DHDH: variants seen among roughly 807,000 people sequenced by gnomAD.
DHDH encodes the protein dihydrodiol dehydrogenase, also known as trans-1,2-dihydrobenzene-1,2-diol dehydrogenase.
DHDH carries 29 observed loss-of-function variants against 33.2 expected under a neutral mutation model. The ratio of observed to expected loss-of-function variants is 0.87; its 90% confidence interval spans 0.65 to 1.19. DHDH has a LOEUF of 1.19. Among genes scored for constraint, DHDH ranks in the 50% most tolerant of loss-of-function variants. DHDH has a pLI of 0.00. For missense variants in DHDH, 431 were observed against 455.0 expected, an observed-to-expected ratio of 0.95 and a Z score of 0.48; for synonymous variants, 201 against 187.9, an observed-to-expected ratio of 1.07 and a Z score of -0.57.
intron 3 of DHDH, among the ~76,000 whole-genome samples, chr19:48,936,978 T>G (rs2037786657): frequency 6.6e-6 from 1 of 151,776 alleles, no homozygotes; most frequent in Non-Finnish European, 1.5e-5. Flanking sequence ...GAGACGGGGT[T>G]TCACCATGTT....
chr19:48,939,901 C>A (rs1267756126), intron 4 of DHDH, among the ~76,000 whole-genome samples, 200 bp downstream of exon 4: 2 of 152,150 alleles, frequency 1.3e-5, no homozygotes, highest in African/African-American at 4.8e-5. Flanking sequence ...TCTTAGCCAG[C>A]AGACTTAACA....
In DHDH at chr19:48,933,709, C is replaced by A. The variant is rs746805166; in HGVS notation, c.-13C>A. On this transcript the variant is annotated 5_prime_UTR_variant, in exon 1 of 7. Coordinates refer to ENST00000221403, the MANE Select transcript of DHDH (RefSeq NM_014475.4). ...GGAGGGACCGAAGGTGCCGAGGGCT[C>A]CGCATCGCAACCATGGCGCTGCGCT... The A allele has an allele frequency of 6.2e-7, 1 of 1,612,750 alleles. No individual in the cohort carries two copies. Among genetic ancestry groups the A allele is most frequent in the African/African-American group, 1.3e-5 (1 of 74,906 alleles).
intron 3 of DHDH, among the ~76,000 whole-genome samples, chr19:48,937,621 T>G (rs1346434450): frequency 2.6e-5 from 4 of 151,416 alleles, no homozygotes; most frequent in Non-Finnish European, 4.4e-5. Flanking sequence ...GACCATCCTG[T>G]CTAACACAGT....
chr19:48,942,587 G>T lies in DHDH; in HGVS notation c.744+23G>T, dbSNP rs367563047. ...CAGGTGAGGCATGGCGGGCCCAAGC[G>T]CTGGGGATCGTGCCCCTAAAATAGG... On this transcript the variant is annotated intron_variant, in intron 5 of 6. Coordinates refer to ENST00000221403, the MANE Select transcript of DHDH (RefSeq NM_014475.4). 16 of 1,603,006 alleles carry T rather than the reference G, an allele frequency of 1.0e-5. No homozygotes were observed. The African/African-American group carries it at 1.5e-4, about 15-fold the overall frequency.
At chr19:48,944,283 C>T (rs1003053970) in intron 5 of DHDH, 74 bp from the exon 6 acceptor site, 1 of 1,602,220 alleles carries the variant, frequency 6.2e-7, no homozygotes, top group Non-Finnish European at 8.5e-7. Context: ...TGTGCACCAC[C>T]TGGCATGTTC....
At chr19:48,939,380 TC>T in intron 3 of DHDH, 68 bp from the exon 4 acceptor site, 2 of 1,530,112 alleles carry the variant, frequency 1.3e-6, no homozygotes, top group Non-Finnish European at 1.8e-6. Flanking sequence ...GCAGTGGGTA[TC>T]CCCCTATGAT....
At chr19:48,936,715 C>CA (rs370151870) in intron 3 of DHDH, among the ~76,000 whole-genome samples, 10,866 of 144,588 alleles carry the variant, frequency 0.075, 523 homozygotes, top group African/African-American at 0.12. Flanking sequence ...AAAAAACAAA[C>CA]AAAAAAAAAA....
upstream of DHDH, chr19:48,933,556 G>T: frequency 1.6e-6 from 1 of 635,858 alleles, no homozygotes; most frequent in Non-Finnish European, 2.8e-6. Context: ...TTCGCCCAGC[G>T]GGGAAGCTAG....
At chr19:48,933,870 A>G (rs1048419135) in intron 1 of DHDH, 59 bp downstream of exon 1, 10 of 1,528,206 alleles carry the variant, frequency 6.5e-6, no homozygotes, top group Admixed American at 1.8e-5. Flanking sequence ...TCCAGAGTCT[A>G]AAGGAGGAGG....
chr19:48,936,776 G>C (rs12982842), intron 3 of DHDH, among the ~76,000 whole-genome samples: 1 of 151,728 alleles, frequency 6.6e-6, no homozygotes. Context: ...CAATGGCTTA[G>C]TTTGGGTGGG....
At chr19:48,937,996 C>T (rs2037804812) in intron 3 of DHDH, among the ~76,000 whole-genome samples, 1 of 152,032 alleles carries the variant, frequency 6.6e-6, no homozygotes, top group Non-Finnish European at 1.5e-5. Flanking sequence ...AAGGACCCTC[C>T]ATTTTATTTG....
rs1039795861 is a variant in DHDH, at chr19:48,934,910, C to T, written c.91-90C>T. ...TTCCCCCAGGACCACGTCTCCCCTT[C>T]CCCTGGCCAGAGCCTCCTCCTTTGC... is the stretch of plus-strand genomic sequence containing the variant. On this transcript the variant is annotated intron_variant, in intron 1 of 6. Coordinates refer to ENST00000221403, the MANE Select transcript of DHDH (RefSeq NM_014475.4). 47 of 1,038,936 alleles carry T rather than the reference C, an allele frequency of 4.5e-5. No individual in the cohort carries two copies. In the South Asian group the frequency reaches 6.5e-4, roughly 14 times the overall value. 64.4% of individuals were successfully genotyped at this position (1,038,936 alleles called of 1,614,324 possible).
intron 5 of DHDH, among the ~76,000 whole-genome samples, chr19:48,943,551 C>T (rs934639744): frequency 5.9e-5 from 9 of 151,878 alleles, no homozygotes; most frequent in Middle Eastern, 3.4e-3. Flanking sequence ...ACAGGCTGGG[C>T]GCGGTGGCTC....
At chr19:48,935,678 A>T (rs941073530) in intron 2 of DHDH, among the ~76,000 whole-genome samples, 1 of 151,380 alleles carries the variant, frequency 6.6e-6, no homozygotes, top group Admixed American at 6.6e-5. Flanking sequence ...TTAGCCGGGC[A>T]TGGTGGCGGG....
intron 2 of DHDH, among the ~76,000 whole-genome samples, 168 bp from the exon 3 acceptor site, chr19:48,935,864 G>T (rs2037765586): frequency 1.3e-5 from 2 of 152,096 alleles, no homozygotes. Flanking sequence ...AAGAGAGCGA[G>T]AATGGCGAGA....
chr19:48,938,916 G>A (rs1390242075), intron 3 of DHDH, among the ~76,000 whole-genome samples: 2 of 151,998 alleles, frequency 1.3e-5, no homozygotes, highest in Non-Finnish European at 2.9e-5. Context: ...TGCCCACTGT[G>A]GACTCGCAAA....
At position 48,944,870 on chromosome 19, in the gene DHDH, G is replaced by A. The variant is rs1022364029; in HGVS notation, c.942G>A (p.Leu314=). 16 of 1,613,924 alleles carry A rather than the reference G, an allele frequency of 9.9e-6. No individual in the cohort carries two copies. Among genetic ancestry groups the A allele is most frequent in the Non-Finnish European group, 1.4e-5 (16 of 1,180,014 alleles). The change falls in exon 7 of 7, where the codon CTG becomes CTA. Residue 314 remains leucine (L), a synonymous_variant. Transcript: ENST00000221403. ...PVIPLSESEL[L]ADILEEVRKA... is the part of the protein sequence containing the mutation. ...TTCCCCTGTCGGAAAGTGAGCTCCTGGCTGACATCCTTGAAGAGGTGAGGA... is the reference window on the plus strand; with the variant it reads ...TTCCCCTGTCGGAAAGTGAGCTCCTAGCTGACATCCTTGAAGAGGTGAGGA...
rs185271883 is a variant in DHDH, at chr19:48,944,134, G to A, written c.745-223G>A. 2.8e-5 allele frequency among the ~76,000 whole-genome samples: 4 copies of A among 145,344 alleles called. No homozygotes were observed. In the East Asian group the frequency reaches 7.7e-4, roughly 28 times the overall value. On this transcript the variant is annotated intron_variant, in intron 5 of 6. Coordinates refer to ENST00000221403, the MANE Select transcript of DHDH (RefSeq NM_014475.4). ...AAGGTTAGGGAGAGGTTTGCTCCTG[G>A]GGAGACAGACAGGATTTTTGTGTCA...
At chr19:48,934,250 G>T (rs1465220124) in intron 1 of DHDH, among the ~76,000 whole-genome samples, 1 of 152,190 alleles carries the variant, frequency 6.6e-6, no homozygotes, top group African/African-American at 2.4e-5. Flanking sequence ...TTAACCAGGG[G>T]CACATTGCAC....
Sources: gnomAD v4.1 joint callset for allele counts (sites outside exome capture counted in the v4.1 genomes callset) on GRCh38, gnomAD v4.1.1 for gene constraint, MANE v1.5 for transcripts, NCBI Gene and HGNC (gene_info 2026-07-23, HGNC 2026-07-21) for gene names.